Variants in FAT1 observed in about 807,000 individuals in gnomAD.
FAT1 encodes the protein FAT atypical cadherin 1.
FAT1 carries 171 observed loss-of-function variants against 329.8 expected under a neutral mutation model. The ratio of observed to expected loss-of-function variants is 0.52; its 90% CI spans 0.46 to 0.59. FAT1 has a LOEUF of 0.59. FAT1 is among the 20% of genes least tolerant of loss of function. The probability of loss-of-function intolerance (pLI) is 0.00; values close to 1 mark genes in which losing one functional copy is unlikely to be tolerated. For synonymous variants in FAT1, 2,233 were observed against 2,228.6 expected, an observed-to-expected ratio of 1.00 and a Z score of -0.06; for missense variants, 5,672 against 5,774.4, an observed-to-expected ratio of 0.98 and a Z score of 0.57.
At chr4:186,658,417 T>C (rs1166003989) in intron 3 of FAT1, among the ~76,000 whole-genome samples, 1 of 152,176 alleles carries the variant, frequency 6.6e-6, no homozygotes, top group Non-Finnish European at 1.5e-5. Context: ...AGCTTTCTTG[T>C]TGTGACTTTT....
rs1219789972 is a variant in FAT1 at position 186,597,063 on chromosome 4, T to C, written c.12477A>G (p.Gly4159=). ...TGGGCGCAGCATCCTCGCAGTGACG[T>C]CCCCTGTACTCGTGGCTGCAGTTGC... ...YHCNCSHEYR[G]RHCEDAAPNQ... Residue 4159 remains glycine, a synonymous_variant, in exon 25 of 27, where the codon GGA becomes GGG. Transcript: ENST00000441802. 1.2e-6 allele frequency: 2 copies of C among 1,613,928 alleles called. No homozygotes were observed. The highest frequency in any genetic ancestry group is 4.5e-5 in the East Asian group (2 of 44,858).
intron 2 of FAT1, among the ~76,000 whole-genome samples, chr4:186,680,032 T>C (rs959935242): frequency 6.6e-6 from 1 of 152,218 alleles, no homozygotes; most frequent in Admixed American, 6.5e-5. Flanking sequence ...ACCATGAGTG[T>C]CTTCCAATGC....
intron 7 of FAT1, among the ~76,000 whole-genome samples, chr4:186,631,939 A>C (rs1553991437): frequency 6.6e-6 from 1 of 151,614 alleles, no homozygotes; most frequent in Non-Finnish European, 1.5e-5. Context: ...AAGAGGAAAA[A>C]TAATCTAAAC....
Position 186,603,560 on chromosome 4 carries a change from C to T in FAT1, c.10966G>A (p.Val3656Ile), listed in dbSNP as rs192691397. ...RFANLTPEEF[V>I]GDYWRNFQRA... ...TGGAAGTTGCGCCAGTAGTCACCAA[C>T]GAATTCTTCCGGAGTGAGGTTGGCA... The change falls in exon 19 of 27, where the codon GTT becomes ATT. Residue 3656 changes from valine to isoleucine, a missense_variant. This residue lies in a region of FAT1 where 1,706 missense variants were observed against 1,859.1 expected (regional missense o/e 0.92). Coordinates refer to ENST00000441802, the MANE Select transcript of FAT1 (RefSeq NM_005245.4). 4.3e-4 allele frequency: 686 copies of T among 1,613,976 alleles called. 3 individuals carry two copies. In the African/African-American group the frequency reaches 6.9e-3, roughly 16 times the overall value.
intron 2 of FAT1, among the ~76,000 whole-genome samples, chr4:186,693,130 C>T (rs964396247): frequency 6.6e-6 from 1 of 152,182 alleles, no homozygotes; most frequent in African/African-American, 2.4e-5. Flanking sequence ...AATGCCATTA[C>T]ATGTTTGAAC....
In FAT1 at chr4:186,621,072, T is replaced by C. The variant is rs1019233080; in HGVS notation, c.5514A>G (p.Glu1838=). 2 of 1,613,316 alleles carry C rather than the reference T, an allele frequency of 1.2e-6. No homozygotes were observed. The highest frequency in any genetic ancestry group is 1.7e-6 in the Non-Finnish European group (2 of 1,179,910). ...CGGTAAAGTGAAAAATACTTGTTTC[T>C]TCATAGTCCAGACTTAGTACTGTAT... is the stretch of plus-strand genomic sequence containing the variant. ...AIHTVLSLDY[E]ETSIFHFTVQ... Residue 1838 remains glutamate, a synonymous_variant, in exon 10 of 27, where the codon GAA becomes GAG. Coordinates refer to ENST00000441802, the MANE Select transcript of FAT1 (RefSeq NM_005245.4).
At chr4:186,685,640 C>T (rs1377234990) in intron 2 of FAT1, among the ~76,000 whole-genome samples, 2 of 152,196 alleles carry the variant, frequency 1.3e-5, no homozygotes, top group Non-Finnish European at 2.9e-5. Flanking sequence ...CTGCATAATG[C>T]TTTCTACATA....
intron 3 of FAT1, among the ~76,000 whole-genome samples, chr4:186,655,044 T>C (rs991150986): frequency 3.9e-5 from 6 of 152,206 alleles, no homozygotes; most frequent in Non-Finnish European, 8.8e-5. Flanking sequence ...AATGAGGTTT[T>C]TATGGTATAT....
intron 3 of FAT1, among the ~76,000 whole-genome samples, chr4:186,660,263 A>G (rs1742107754): frequency 6.6e-6 from 1 of 152,136 alleles, no homozygotes; most frequent in African/African-American, 2.4e-5. Context: ...TAAAGGTTGT[A>G]AGAAGACGAG....
In FAT1 at chr4:186,595,720, G is replaced by T. The variant is rs1193467155; in HGVS notation, c.13107C>A (p.Ser4369Arg). Reference protein sequence around the residue: ...RESLSEVQSLSSFQSESCDDN... With the variant: ...RESLSEVQSLRSFQSESCDDN... ...CATCGCACGATTCGGACTGGAAGGA[G>T]CTCAGAGACTGCACTTCAGACAGGC... The change falls in exon 26 of 27, where the codon AGC becomes AGA. Residue 4369 changes from serine to arginine, a missense_variant. Physicochemically the swap from Ser to Arg is moderately radical, Grantham distance 110. Around this residue, in one of 2 missense-constraint regions of FAT1, gnomAD observed 1,706 missense variants for 1,859.1 expected, o/e 0.92. Coordinates refer to ENST00000441802, the MANE Select transcript of FAT1 (RefSeq NM_005245.4). The T allele has an allele frequency of 5.0e-6, 8 of 1,613,876 alleles. No homozygotes were observed. Among genetic ancestry groups the T allele is most frequent in the Non-Finnish European group, 5.9e-6 (7 of 1,179,886 alleles).
Position 186,589,123 on chromosome 4 carries a change from C to G in FAT1, c.13236G>C (p.Leu4412=), listed in dbSNP as rs2126356383. The change falls in exon 27 of 27, where the codon CTG becomes CTC. Residue 4412 remains leucine, a synonymous_variant. Transcript: ENST00000441802. ...CGATGGCGTTTGGATCTGCTGAGTACAGGGGTGTCTGCTCATCAATCACCT... is the reference window on the plus strand; with the variant it reads ...CGATGGCGTTTGGATCTGCTGAGTAGAGGGGTGTCTGCTCATCAATCACCT... ...NYEVIDEQTP[L]YSADPNAIDT... is the part of the protein sequence containing the mutation. 6.2e-7 allele frequency: 1 copy of G among 1,613,872 alleles called. No individual in the cohort carries two copies. The highest frequency in any genetic ancestry group is 8.5e-7 in the Non-Finnish European group (1 of 1,179,886).
rs2126504226 is a variant in FAT1, at chr4:186,619,311, C to A, written c.7275G>T (p.Leu2425Phe). The A allele has an allele frequency of 6.2e-7, 1 of 1,614,028 alleles. No individual in the cohort carries two copies. Among genetic ancestry groups the A allele is most frequent in the Non-Finnish European group, 8.5e-7 (1 of 1,179,896 alleles). Residue 2425 changes from leucine to phenylalanine, a missense_variant, in exon 10 of 27, where the codon TTG (leucine) becomes TTT (phenylalanine). Leu to Phe is a conservative substitution (Grantham distance 22). Transcript: ENST00000441802. ...YDADSSDIDK[L>F]QYSILSGNDH... is the part of the protein sequence containing the mutation. ...CATTGCCAGACAGAATGGAATACTG[C>A]AACTTGTCTATGTCTGAACTGTCTG...
chr4:186,680,569 CT>C (rs1399393681), intron 2 of FAT1, among the ~76,000 whole-genome samples: 2 of 152,170 alleles, frequency 1.3e-5, no homozygotes, highest in Non-Finnish European at 2.9e-5. Flanking sequence ...TACATGAACA[CT>C]ACCTCATAAA....
chr4:186,617,045 T>C lies in FAT1; in HGVS notation c.9035A>G (p.Lys3012Arg). 1 of 1,613,876 alleles carries C rather than the reference T, an allele frequency of 6.2e-7. No homozygotes were observed. Among genetic ancestry groups the C allele is most frequent in the Non-Finnish European group, 8.5e-7 (1 of 1,179,872 alleles). The change falls in exon 11 of 27, where the codon AAA (lysine) becomes AGA (arginine). Residue 3012 changes from lysine (K) to arginine (R), a missense_variant. Physicochemically the swap from Lys to Arg is conservative, Grantham distance 26. This residue lies in a region of FAT1 where 3,966 missense variants were observed against 3,915.2 expected (regional missense o/e 1.01). Coordinates refer to ENST00000441802, the MANE Select transcript of FAT1 (RefSeq NM_005245.4). ...ACTGTTGTCATTTGCATCCAGAACT[T>C]TCACTTCAACTATCGCTTTTGATGA... ...TFSSKAIVEVKVLDANDNSPV... is the reference protein window; with the variant it reads ...TFSSKAIVEVRVLDANDNSPV...
chr4:186,676,970 T>C (rs993151636), intron 2 of FAT1, among the ~76,000 whole-genome samples: 12 of 152,204 alleles, frequency 7.9e-5, no homozygotes, highest in South Asian at 2.1e-4. Context: ...AAAAGTCCCA[T>C]TGACTTTTTG....
chr4:186,590,505 A>G (rs1256991983), intron 26 of FAT1: 11 of 722,770 alleles, frequency 1.5e-5, no homozygotes, highest in Non-Finnish European at 2.3e-5. Context: ...AACTGCTTAC[A>G]GAGGCCCAAT....
rs761135950 is a variant in FAT1, at chr4:186,613,174, G to C, written c.9398C>G (p.Thr3133Ser). 1 of 1,613,848 alleles carries C rather than the reference G, an allele frequency of 6.2e-7. No homozygotes were observed. Among genetic ancestry groups the C allele is most frequent in the Non-Finnish European group, 8.5e-7 (1 of 1,179,876 alleles). The change falls in exon 13 of 27, where the codon ACC (threonine) becomes AGC (serine). Residue 3133 changes from threonine (T) to serine (S), a missense_variant. By Grantham distance (58) the Thr-to-Ser change is moderately conservative (BLOSUM62 1). Around this residue, in one of 2 missense-constraint regions of FAT1, gnomAD observed 3,966 missense variants for 3,915.2 expected, o/e 1.01. Transcript: ENST00000441802. ...PEFSADPYAI[T>S]VFENTEPGTL... Reference sequence around the variant, plus strand: ...TCCCGGCTCTGTGTTTTCAAACACGGTGATGGCATAAGGATCGGCAGAGAA... The same window carrying C: ...TCCCGGCTCTGTGTTTTCAAACACGCTGATGGCATAAGGATCGGCAGAGAA...
rs561142338 is a variant in FAT1, at chr4:186,618,897, C to A, written c.7689G>T (p.Val2563=). The A allele has an allele frequency of 2.8e-5, 45 of 1,613,996 alleles. No individual in the cohort carries two copies. The South Asian group carries it at 4.9e-4, about 18-fold the overall frequency. The change falls in exon 10 of 27, where the codon GTG becomes GTT. Residue 2563 remains valine (V), a synonymous_variant. Transcript: ENST00000441802. ...CCTTAGCCATTAAACGGACTGAGATCACTTTCTCCGCCGGGGTTTCTCGAT... is the reference window on the plus strand; with the variant it reads ...CCTTAGCCATTAAACGGACTGAGATAACTTTCTCCGCCGGGGTTTCTCGAT... ...KLDRETPAEK[V]ISVRLMAKDA... is the part of the protein sequence containing the mutation.
rs1739827510 is a variant in FAT1, at chr4:186,618,332, C to T, written c.8254G>A (p.Val2752Met). The change falls in exon 10 of 27, where the codon GTG becomes ATG. Residue 2752 changes from valine (V) to methionine (M), a missense_variant. Coordinates refer to ENST00000441802, the MANE Select transcript of FAT1 (RefSeq NM_005245.4). ...AGTCTCCCGCTCTGTCTGTCAATCA[C>T]AAAGGACTCATCCCTATTGCTTTCT... ...TPESNRDESF[V>M]IDRQSGRLKL... 6.2e-7 allele frequency: 1 copy of T among 1,613,942 alleles called. No individual in the cohort carries two copies. The highest frequency in any genetic ancestry group is 1.1e-5 in the South Asian group (1 of 91,088).
Sources: gnomAD v4.1 joint callset for allele counts (sites outside exome capture counted in the v4.1 genomes callset) on GRCh38, gnomAD v4.1.1 for gene constraint, gnomAD v4.1.1 regional missense constraint, MANE v1.5 for transcripts, NCBI Gene and HGNC (gene_info 2026-07-23, HGNC 2026-07-21) for gene names.